The following CLASP1 variants were observed in gnomAD, a reference collection of about 807,000 sequenced individuals.
CLASP1 encodes cytoplasmic linker associated protein 1.
In CLASP1, 38 loss-of-function variants were observed where a neutral mutation model predicts 192.3. The ratio of observed to expected loss-of-function variants is 0.20; its 90% CI spans 0.15 to 0.26. The LOEUF (loss-of-function observed/expected upper bound fraction) is 0.26. Ranked by LOEUF, CLASP1 falls within the 10% of genes least tolerant of loss-of-function variation. The probability of loss-of-function intolerance (pLI) is 1.00; values close to 1 mark genes in which losing one functional copy is unlikely to be tolerated. For missense variants in CLASP1, 1,433 were observed against 1,932.5 expected, an observed-to-expected ratio of 0.74 and a Z score of 4.85; for synonymous variants, 691 against 712.8, an observed-to-expected ratio of 0.97 and a Z score of 0.49.
At chr2:121,540,607 T>C (rs1298224551) in intron 2 of CLASP1, among the ~76,000 whole-genome samples, 1 of 152,042 alleles carries the variant, frequency 6.6e-6, no homozygotes, top group Non-Finnish European at 1.5e-5. Flanking sequence ...ACCAACATGG[T>C]GAAACCCCGT....
chr2:121,392,222 C>A (rs561928558), intron 30 of CLASP1, among the ~76,000 whole-genome samples: 6 of 152,178 alleles, frequency 3.9e-5, no homozygotes, highest in Non-Finnish European at 8.8e-5. Context: ...AACATACAGG[C>A]ATTTTAAATT....
chr2:121,603,678 C>T (rs1178467240), intron 2 of CLASP1, among the ~76,000 whole-genome samples: 1 of 152,138 alleles, frequency 6.6e-6, no homozygotes, highest in Non-Finnish European at 1.5e-5. Flanking sequence ...ACCTACATGT[C>T]CAACAACAGA....
chr2:121,395,759 G>T (rs1183209984), intron 30 of CLASP1, among the ~76,000 whole-genome samples: 1 of 152,120 alleles, frequency 6.6e-6, no homozygotes, highest in East Asian at 1.9e-4. Context: ...GTTGCCCAGG[G>T]TAACAGGGCC....
chr2:121,445,239 A>AT (rs900000496), intron 19 of CLASP1, among the ~76,000 whole-genome samples: 6 of 152,206 alleles, frequency 3.9e-5, no homozygotes, highest in African/African-American at 1.2e-4. Context: ...AAGAAAGATT[A>AT]TTTTTTGTTT....
chr2:121,554,194 G>A (rs1006958241), intron 2 of CLASP1, among the ~76,000 whole-genome samples: 1 of 151,890 alleles, frequency 6.6e-6, no homozygotes, highest in Non-Finnish European at 1.5e-5. Flanking sequence ...TGGCCTGAGC[G>A]ACAAAGCAAG....
intron 39 of CLASP1, among the ~76,000 whole-genome samples, chr2:121,346,159 C>T (rs190493903): frequency 6.6e-6 from 1 of 152,358 alleles, no homozygotes; most frequent in East Asian, 1.9e-4. Flanking sequence ...ATGTTTTCCA[C>T]TGGCTTCGTT....
At chr2:121,528,815 C>T in intron 3 of CLASP1, 35 bp from the exon 4 acceptor site, 1 of 1,529,116 alleles carries the variant, frequency 6.5e-7, no homozygotes, top group Non-Finnish European at 9.1e-7. Context: ...CAAATGAAAC[C>T]CTATTTGGGG....
intron 5 of CLASP1, among the ~76,000 whole-genome samples, chr2:121,526,937 G>T (rs1037981038): frequency 6.6e-6 from 1 of 152,036 alleles, no homozygotes; most frequent in African/African-American, 2.4e-5. Context: ...CCACAATGAG[G>T]TATTACTACA....
At chr2:121,488,926 T>TG (rs1487781928) in intron 8 of CLASP1, among the ~76,000 whole-genome samples, 1 of 152,138 alleles carries the variant, frequency 6.6e-6, no homozygotes, top group Non-Finnish European at 1.5e-5. Flanking sequence ...TTTGAAAAAA[T>TG]ATATCAAGTG....
intron 2 of CLASP1, among the ~76,000 whole-genome samples, chr2:121,564,633 G>A (rs1008609642): frequency 1.3e-5 from 2 of 152,110 alleles, no homozygotes; most frequent in African/African-American, 2.4e-5. Context: ...AGTTAAACAC[G>A]GGAAACCAAG....
rs76006565 is a variant in CLASP1 at position 121,360,015 on chromosome 2, C to T, written c.4206+3157G>A. The stretch of plus-strand genomic sequence containing the variant: ...CGTCAGTCCTATCTCATCCATCTTC[C>T]CAAACAGCTTTTGTGACAAATTTCA... On this transcript the variant is annotated intron_variant, in intron 37 of 39. Coordinates refer to ENST00000263710, the Ensembl canonical transcript of CLASP1. 5.1e-4 allele frequency among the ~76,000 whole-genome samples: 78 copies of T among 152,314 alleles called. No homozygotes were observed. The East Asian group carries it at 0.014, about 28-fold the overall frequency.
At chr2:121,613,584 A>G (rs1160908206) in intron 1 of CLASP1, among the ~76,000 whole-genome samples, 3 of 151,976 alleles carry the variant, frequency 2.0e-5, no homozygotes, top group East Asian at 3.9e-4. Flanking sequence ...GCATGCATCA[A>G]ATAAGATTAA....
intron 2 of CLASP1, among the ~76,000 whole-genome samples, chr2:121,605,412 C>T (rs1378223829): frequency 3.3e-5 from 5 of 152,238 alleles, no homozygotes; most frequent in Non-Finnish European, 7.3e-5. Flanking sequence ...ACATTAACTT[C>T]AAGGCTACAA....
Position 121,590,970 on chromosome 2 carries a change from C to T in CLASP1, c.195+14731G>A, listed in dbSNP as rs574024820. Among the ~76,000 whole-genome samples the T allele has an allele frequency of 4.6e-5, 7 of 150,950 alleles. No homozygotes were observed. In the South Asian group the frequency reaches 6.3e-4, roughly 14 times the overall value. ...GCAACCTCCGCCTCCCGGGTTCAAGCGATTCTCCTGCCTCAGCCTGCCAAG... is the reference window on the plus strand; with the variant it reads ...GCAACCTCCGCCTCCCGGGTTCAAGTGATTCTCCTGCCTCAGCCTGCCAAG... On this transcript the variant is annotated intron_variant, in intron 2 of 39. Transcript: ENST00000263710.
chr2:121,515,603 C>T (rs1473506192), intron 7 of CLASP1, 62 bp downstream of exon 7: 3 of 1,195,124 alleles, frequency 2.5e-6, no homozygotes, highest in Non-Finnish European at 3.6e-6. Flanking sequence ...AAGATATTAA[C>T]TGGAAAACAA....
intron 2 of CLASP1, among the ~76,000 whole-genome samples, chr2:121,579,837 AAAAG>A (rs1310666337): frequency 3.9e-5 from 6 of 152,218 alleles, no homozygotes; most frequent in Non-Finnish European, 8.8e-5. Context: ...AAATAACAAA[AAAAG>A]AAAATCTGCA....
intron 2 of CLASP1, among the ~76,000 whole-genome samples, chr2:121,577,277 A>G (rs560833621): frequency 1.3e-5 from 2 of 152,300 alleles, no homozygotes; most frequent in African/African-American, 4.8e-5. Flanking sequence ...ACCTTTATGC[A>G]TGGGATAATC....
intron 2 of CLASP1, chr2:121,532,437 A>C (rs2094918625): frequency 6.6e-6 from 1 of 152,242 alleles, no homozygotes; most frequent in African/African-American, 2.4e-5. Context: ...ACGCAACCTC[A>C]GCCAGATGGT....
intron 23 of CLASP1, 32 bp downstream of exon 23, chr2:121,418,588 CTT>C (rs2078979946): frequency 2.0e-6 from 3 of 1,475,814 alleles, no homozygotes; most frequent in Non-Finnish European, 2.8e-6. Context: ...GAAAGGAACT[CTT>C]TGCTCCTCAG....
Sources: allele counts gnomAD v4.1 joint callset (sites outside exome capture counted in the v4.1 genomes callset), GRCh38; gene constraint gnomAD v4.1.1; transcripts MANE v1.5; gene names NCBI Gene and HGNC (gene_info 2026-07-23, HGNC 2026-07-21).